MARF1: variants seen among roughly 807,000 people sequenced by gnomAD.
MARF1 encodes meiosis regulator and mRNA stability factor 1, also known as limkain-b1.
A neutral mutation model predicts 168.2 loss-of-function variants in MARF1; 24 were observed. The ratio of observed to expected loss-of-function variants is 0.14; its 90% confidence interval spans 0.10 to 0.20. The LOEUF is 0.20. MARF1 is among the 10% of genes least tolerant of loss of function. The probability of loss-of-function intolerance (pLI) is 1.00; values close to 1 mark genes in which losing one functional copy is unlikely to be tolerated. For missense variants in MARF1, 1,744 were observed against 2,143.6 expected, an observed-to-expected ratio of 0.81 and a Z score of 3.68; for synonymous variants, 868 against 822.4, an observed-to-expected ratio of 1.06 and a Z score of -0.95.
In MARF1 at chr16:15,638,114, G is replaced by A. The variant is rs1270878509; in HGVS notation, c.144+976C>T. On this transcript the variant is annotated intron_variant, in intron 2 of 26. Transcript: ENST00000396368. ...TAGGGACAGTGGTTGCAGTGAACCC[G>A]GATCGTGCCACTGCACTCCAGCCTA... is the stretch of plus-strand genomic sequence containing the variant. 4.6e-5 allele frequency among the ~76,000 whole-genome samples: 7 copies of A among 152,042 alleles called. 1 individual carries two copies. Among genetic ancestry groups the A allele is most frequent in the African/African-American group, 9.7e-5 (4 of 41,410 alleles).
At chr16:15,623,206 T>G in intron 10 of MARF1, 83 bp from the exon 11 acceptor site, 3 of 1,064,728 alleles carry the variant, frequency 2.8e-6, no homozygotes, top group Non-Finnish European at 2.5e-6. Flanking sequence ...TGTTTGAAAC[T>G]ATATACAGAA....
intron 4 of MARF1, 39 bp downstream of exon 4, chr16:15,634,718 T>C: frequency 6.4e-7 from 1 of 1,573,096 alleles, no homozygotes; most frequent in South Asian, 1.1e-5. Flanking sequence ...TATTGAAAGC[T>C]ATTTAAATAT....
At chr16:15,623,163 G>C in intron 10 of MARF1, 40 bp from the exon 11 acceptor site, 1 of 1,448,832 alleles carries the variant, frequency 6.9e-7, no homozygotes, top group East Asian at 2.4e-5. Context: ...TTAAAAAACT[G>C]TTCTGTATAT....
chr16:15,633,601 A>AT lies in MARF1; in HGVS notation c.1233+15_1233+16insA. The AT allele has an allele frequency of 3.5e-6, 5 of 1,420,452 alleles. No individual in the cohort carries two copies. Among genetic ancestry groups the AT allele is most frequent in the South Asian group, 2.4e-5 (2 of 83,734 alleles). 88.0% of individuals were successfully genotyped at this position (1,420,452 alleles called of 1,614,324 possible). On this transcript the variant is annotated intron_variant, in intron 5 of 26. Coordinates refer to ENST00000396368, the MANE Select transcript of MARF1 (RefSeq NM_014647.4). The stretch of plus-strand genomic sequence containing the variant: ...CCTCTACTGTAGATTAAAATTATTA[A>AT]ATTTTTTTTTTTTACCTGGCAATTA...
chr16:15,628,247 A>AT (rs577083661), intron 7 of MARF1, among the ~76,000 whole-genome samples: 45 of 151,294 alleles, frequency 3.0e-4, no homozygotes, highest in African/African-American at 8.0e-4. Flanking sequence ...TATGTGACAC[A>AT]TTTTTTTTTA....
intron 16 of MARF1, among the ~76,000 whole-genome samples, chr16:15,614,194 G>C (rs1332624883): frequency 6.6e-6 from 1 of 152,036 alleles, no homozygotes; most frequent in African/African-American, 2.4e-5. Context: ...TTTAAAGACA[G>C]AGTTTCGGCC....
rs753368181 is a variant in MARF1 at position 15,625,095 on chromosome 16, T to G, written c.2032A>C (p.Thr678Pro). The change falls in exon 9 of 27, where the codon ACT (threonine) becomes CCT (proline). Residue 678 changes from threonine to proline, a missense_variant. By Grantham distance (38) the Thr-to-Pro change is conservative. Coordinates refer to ENST00000396368, the MANE Select transcript of MARF1 (RefSeq NM_014647.4). ...QQGHLRLVVP[T>P]HGNSSAAVST... ...ACTGCAGCACTTGAGTTACCGTGAG[T>G]GGGTACGACCAGCCTCAGGTGACCT... 1 of 1,614,198 alleles carries G rather than the reference T, an allele frequency of 6.2e-7. No individual in the cohort carries two copies. Among genetic ancestry groups the G allele is most frequent in the South Asian group, 1.1e-5 (1 of 91,082 alleles).
At chr16:15,635,574 A>C (rs1354986978) in intron 3 of MARF1, 82 bp downstream of exon 3, 2 of 1,262,970 alleles carry the variant, frequency 1.6e-6, no homozygotes, top group Non-Finnish European at 2.2e-6. Context: ...CCCATGTATA[A>C]TACTTTTCAA....
intron 1 of MARF1, among the ~76,000 whole-genome samples, chr16:15,642,081 G>A (rs1007174991): frequency 6.6e-6 from 1 of 152,174 alleles, no homozygotes; most frequent in Non-Finnish European, 1.5e-5. Flanking sequence ...AAATGGGTGT[G>A]ATAATAATAG....
intron 10 of MARF1, among the ~76,000 whole-genome samples, chr16:15,624,083 T>C (rs1313331049): frequency 6.6e-6 from 1 of 152,142 alleles, no homozygotes; most frequent in Non-Finnish European, 1.5e-5. Context: ...GGCTAATTTT[T>C]TGTATTTTTA....
Position 15,634,258 on chromosome 16 carries a change from G to T in MARF1, c.1007-415C>A, listed in dbSNP as rs570596502. On this transcript the variant is annotated intron_variant, in intron 4 of 26. Coordinates refer to ENST00000396368, the MANE Select transcript of MARF1 (RefSeq NM_014647.4). The stretch of plus-strand genomic sequence containing the variant: ...TAACCAACACTGAGGAGCTGACAAA[G>T]GGTGAAGCTGTTACTGTCGTTGATT... 2.0e-5 allele frequency among the ~76,000 whole-genome samples: 3 copies of T among 152,300 alleles called. No homozygotes were observed. The South Asian group carries it at 6.2e-4, about 32-fold the overall frequency.
Position 15,598,883 on chromosome 16 carries a change from T to C in MARF1, c.4955A>G (p.Gln1652Arg). ...PVILQSADLI[Q>R]FEERPQEPSE... ...AGGCTCTTGAGGGCGCTCCTCAAAC[T>C]GAATGAGATCAGCAGATTGGAGGAT... is the stretch of plus-strand genomic sequence containing the variant. Residue 1652 changes from glutamine (Q) to arginine (R), a missense_variant, in exon 26 of 27, where the codon CAG (glutamine) becomes CGG (arginine). Transcript: ENST00000396368. 1 of 1,613,922 alleles carries C rather than the reference T, an allele frequency of 6.2e-7. No homozygotes were observed. Among genetic ancestry groups the C allele is most frequent in the African/African-American group, 1.3e-5 (1 of 74,954 alleles).
At chr16:15,637,873 G>C (rs2035697946) in intron 2 of MARF1, among the ~76,000 whole-genome samples, 1 of 152,194 alleles carries the variant, frequency 6.6e-6, no homozygotes, top group Non-Finnish European at 1.5e-5. Context: ...TTTTTAAAAA[G>C]TTATTAATAC....
intron 6 of MARF1, 98 bp from the exon 7 acceptor site, chr16:15,630,602 G>C: frequency 9.0e-7 from 1 of 1,108,186 alleles, no homozygotes; most frequent in Non-Finnish European, 1.2e-6. Flanking sequence ...GAAAGGAAAG[G>C]CTGGACTATA....
intron 10 of MARF1, among the ~76,000 whole-genome samples, chr16:15,623,974 C>G (rs373405683): frequency 2.3e-4 from 34 of 146,480 alleles, no homozygotes; most frequent in Non-Finnish European, 4.6e-4. Flanking sequence ...TGCAGTCATG[C>G]GATCTGAGCT....
Position 15,629,077 on chromosome 16 carries a change from C to G in MARF1, c.1524+1255G>C, listed in dbSNP as rs544179394. ...TGAAACAGAGTCTCGCTCTGTCGAC[C>G]AGGCTGGAGTGCAGTGGCGCGATCT... is the stretch of plus-strand genomic sequence containing the variant. On this transcript the variant is annotated intron_variant, in intron 7 of 26. Transcript: ENST00000396368. Among the ~76,000 whole-genome samples the G allele has an allele frequency of 3.7e-4, 56 of 151,210 alleles. 1 individual carries two copies. The South Asian group carries it at 0.011, about 29-fold the overall frequency.
At chr16:15,633,279 A>G (rs778663184) in intron 5 of MARF1, among the ~76,000 whole-genome samples, 12 of 151,828 alleles carry the variant, frequency 7.9e-5, no homozygotes, top group Non-Finnish European at 1.8e-4. Flanking sequence ...TCCACCACCT[A>G]ACCCTGGATC....
intron 26 of MARF1, among the ~76,000 whole-genome samples, chr16:15,598,493 C>G (rs1023557477): frequency 6.6e-6 from 1 of 152,140 alleles, no homozygotes; most frequent in African/African-American, 2.4e-5. Context: ...GGACCCCCAC[C>G]ATGGGTGACG....
chr16:15,616,196 T>C (rs955265905), intron 15 of MARF1, among the ~76,000 whole-genome samples, 191 bp from the exon 16 acceptor site: 2 of 152,146 alleles, frequency 1.3e-5, no homozygotes, highest in Non-Finnish European at 2.9e-5. Context: ...CTCTGATGCA[T>C]TCTGATGGCA....
Sources: allele counts gnomAD v4.1 joint callset (sites outside exome capture counted in the v4.1 genomes callset), GRCh38; gene constraint gnomAD v4.1.1; transcripts MANE v1.5; gene names NCBI Gene and HGNC (gene_info 2026-07-23, HGNC 2026-07-21).